Variants in DNMBP observed in about 807,000 individuals in gnomAD.
DNMBP encodes dynamin-binding protein.
A neutral mutation model predicts 150.0 loss-of-function variants in DNMBP; 87 were observed. The observed-to-expected ratio is 0.58, with a 90% confidence interval of 0.49 to 0.69. The LOEUF is 0.69. Among genes scored for constraint, DNMBP ranks in the 30% least tolerant of loss-of-function variants. The pLI, the probability that DNMBP is intolerant of heterozygous loss-of-function variation, is 0.00. For synonymous variants in DNMBP, 711 were observed against 750.4 expected, an observed-to-expected ratio of 0.95 and a Z score of 0.86; for missense variants, 1,774 against 1,949.0, an observed-to-expected ratio of 0.91 and a Z score of 1.69.
intron 4 of DNMBP, among the ~76,000 whole-genome samples, chr10:99,915,108 AATAT>A (rs1554863107): frequency 1.0e-4 from 10 of 99,798 alleles, no homozygotes; most frequent in East Asian, 7.2e-4. Flanking sequence ...AAAAAAAAAA[AATAT>A]ATATATATAT....
At chr10:99,888,759 G>C in intron 12 of DNMBP, 66 bp downstream of exon 12, 2 of 1,595,620 alleles carry the variant, frequency 1.3e-6, no homozygotes, top group South Asian at 1.1e-5. Context: ...GAACTGACTT[G>C]CATGAGCTGA....
At chr10:99,898,599 G>T in intron 8 of DNMBP, 144 bp downstream of exon 8, 1 of 854,344 alleles carries the variant, frequency 1.2e-6, no homozygotes, top group Non-Finnish European at 1.9e-6. Flanking sequence ...TTCCCTTGGG[G>T]ATAAGTGCTA....
At chr10:99,992,062 C>A (rs554077379) in intron 1 of DNMBP, among the ~76,000 whole-genome samples, 54 of 151,812 alleles carry the variant, frequency 3.6e-4, no homozygotes, top group Non-Finnish European at 7.1e-4. Flanking sequence ...CATAGTGAGA[C>A]CCCATCTCTA....
chr10:99,951,924 A>G (rs2040427465), intron 4 of DNMBP, among the ~76,000 whole-genome samples: 1 of 152,208 alleles, frequency 6.6e-6, no homozygotes, highest in Non-Finnish European at 1.5e-5. Flanking sequence ...GGATCCAGGC[A>G]GAATGATATG....
chr10:99,973,080 C>CATTT (rs35399198), intron 1 of DNMBP, among the ~76,000 whole-genome samples: 38,394 of 149,472 alleles, frequency 0.26, 5,853 homozygotes, highest in Non-Finnish European at 0.33. Flanking sequence ...CTGCCTGCGG[C>CATTT]ATTTATTTAT....
Position 99,959,922 on chromosome 10 carries a change from A to G in DNMBP, c.269-2717T>C, listed in dbSNP as rs2997836. Among the ~76,000 whole-genome samples the G allele has an allele frequency of 7.9e-5, 12 of 152,084 alleles. No homozygotes were observed. The East Asian group carries it at 2.3e-3, about 29-fold the overall frequency. ...TCTTTGTTGGAGATGAAGGGTATGGACAATGAATGTTCAATCATGTTCTCC... is the reference window on the plus strand; with the variant it reads ...TCTTTGTTGGAGATGAAGGGTATGGGCAATGAATGTTCAATCATGTTCTCC... On this transcript the variant is annotated intron_variant, in intron 3 of 16. Transcript: ENST00000324109.
chr10:99,991,140 G>A (rs1022803144), intron 1 of DNMBP, among the ~76,000 whole-genome samples: 10 of 151,126 alleles, frequency 6.6e-5, no homozygotes, highest in Non-Finnish European at 1.0e-4. Flanking sequence ...GTGCAGTGGC[G>A]TGATCTCGGC....
At chr10:99,937,917 T>C (rs529327717) in intron 4 of DNMBP, among the ~76,000 whole-genome samples, 46 of 152,352 alleles carry the variant, frequency 3.0e-4, no homozygotes, top group African/African-American at 1.1e-3. Context: ...GAGAGAGCAC[T>C]GGAGACCAAA....
chr10:99,927,281 C>T (rs1202727552), intron 4 of DNMBP: 3 of 152,112 alleles, frequency 2.0e-5, no homozygotes, highest in South Asian at 2.1e-4. Context: ...AACTCAGAGA[C>T]GAAACCATGG....
intron 11 of DNMBP, 107 bp downstream of exon 11, chr10:99,894,839 T>C (rs2039627297): frequency 1.2e-6 from 1 of 808,584 alleles, no homozygotes; most frequent in African/African-American, 1.7e-5. Context: ...ATAATAGTAA[T>C]TTGAGTCCAG....
intron 4 of DNMBP, chr10:99,930,482 G>C: frequency 1.4e-6 from 1 of 702,904 alleles, no homozygotes; most frequent in Non-Finnish European, 2.6e-6. Flanking sequence ...CATGACCTCC[G>C]TGGTACACAC....
chr10:99,937,089 A>G (rs936355440), intron 4 of DNMBP, among the ~76,000 whole-genome samples: 1 of 151,904 alleles, frequency 6.6e-6, no homozygotes, highest in Non-Finnish European at 1.5e-5. Context: ...TTCAGTAGAG[A>G]CGGGGTTTCA....
At chr10:99,885,346 T>TA (rs1368242159) in intron 14 of DNMBP, among the ~76,000 whole-genome samples, 1 of 151,958 alleles carries the variant, frequency 6.6e-6, no homozygotes, top group Non-Finnish European at 1.5e-5. Context: ...CCATCTCTAC[T>TA]AAAAAATAGA....
At position 99,885,841 on chromosome 10, in the gene DNMBP, C is replaced by G; in HGVS notation, c.3644G>C (p.Gly1215Ala). 6.2e-7 allele frequency: 1 copy of G among 1,612,952 alleles called. No individual in the cohort carries two copies. Among genetic ancestry groups the G allele is most frequent in the Non-Finnish European group, 8.5e-7 (1 of 1,179,580 alleles). The change falls in exon 14 of 17, where the codon GGA (glycine) becomes GCA (alanine). Residue 1215 changes from glycine to alanine, a missense_variant. Gly to Ala is a moderately conservative substitution (Grantham distance 60). Transcript: ENST00000324109. Reference protein sequence around the residue: ...LSLLKVAGREGNLIAIFHEEH... With the variant: ...LSLLKVAGREANLIAIFHEEH... ...TTCGTGGAAGATGGCAATAAGGTTTCCCTCTCTGCCAGCCACTTTGAGTAA... is the reference window on the plus strand; with the variant it reads ...TTCGTGGAAGATGGCAATAAGGTTTGCCTCTCTGCCAGCCACTTTGAGTAA...
At chr10:99,909,526 C>T (rs2133246994) in intron 4 of DNMBP, among the ~76,000 whole-genome samples, 1 of 152,208 alleles carries the variant, frequency 6.6e-6, no homozygotes, top group East Asian at 1.9e-4. Context: ...AAATAACAAG[C>T]TGGAAGTTCA....
chr10:99,986,336 C>T (rs1476040289), intron 1 of DNMBP, among the ~76,000 whole-genome samples: 1 of 151,616 alleles, frequency 6.6e-6, no homozygotes, highest in Non-Finnish European at 1.5e-5. Context: ...ATAGTGAGAC[C>T]CCATCTCTGG....
At chr10:99,916,717 A>G (rs2039968966) in intron 4 of DNMBP, among the ~76,000 whole-genome samples, 1 of 152,206 alleles carries the variant, frequency 6.6e-6, no homozygotes, top group Non-Finnish European at 1.5e-5. Flanking sequence ...CTTATAGCCC[A>G]GAAGCCTGCT....
intron 1 of DNMBP, among the ~76,000 whole-genome samples, chr10:100,003,353 A>AAAAC (rs1402935633): frequency 3.3e-5 from 5 of 152,152 alleles, no homozygotes; most frequent in South Asian, 2.1e-4. Context: ...TTCCAAAAGA[A>AAAAC]AAACAAACAA....
At chr10:99,896,685 T>C (rs959817753) in intron 9 of DNMBP, among the ~76,000 whole-genome samples, 2 of 152,196 alleles carry the variant, frequency 1.3e-5, no homozygotes, top group African/African-American at 4.8e-5. Flanking sequence ...ACTTAAGGTA[T>C]GGCATTAAAT....
Sources: allele counts gnomAD v4.1 joint callset (sites outside exome capture counted in the v4.1 genomes callset), GRCh38; gene constraint gnomAD v4.1.1; transcripts MANE v1.5; gene names NCBI Gene and HGNC (gene_info 2026-07-23, HGNC 2026-07-21).